AGBL1: variants seen among roughly 807,000 people sequenced by gnomAD.
AGBL1 encodes cytosolic carboxypeptidase 4.
AGBL1 carries 130 observed loss-of-function variants against 118.9 expected under a neutral mutation model. The observed-to-expected ratio is 1.09, with a 90% CI of 0.95 to 1.26. The LOEUF is 1.26. AGBL1 is among the 50% of genes most tolerant of loss of function. The pLI is 0.00. For missense variants in AGBL1, 1,584 were observed against 1,298.1 expected, an observed-to-expected ratio of 1.22 and a Z score of -3.38; for synonymous variants, 555 against 478.9, an observed-to-expected ratio of 1.16 and a Z score of -2.08.
intron 3 of AGBL1, among the ~76,000 whole-genome samples, chr15:86,151,239 G>A (rs1344537004): frequency 6.0e-5 from 9 of 150,546 alleles, no homozygotes; most frequent in East Asian, 2.0e-4. Flanking sequence ...AGCATGGCAC[G>A]TGTATACATA....
rs572147303 is a variant in AGBL1, at chr15:86,497,642, T to C, written c.2556-25168T>C. On this transcript the variant is annotated intron_variant, in intron 18 of 22. Coordinates refer to ENST00000614907, the MANE Select transcript of AGBL1 (RefSeq NM_001386094.1). ...GGAATAAATCTCCCATTTTCTGAAC[T>C]GGAGTGGGAGGGGATATTGCTTAGT... Among the ~76,000 whole-genome samples, 6 of 152,028 alleles carry C rather than the reference T, an allele frequency of 3.9e-5. No individual in the cohort carries two copies. The South Asian group carries it at 1.2e-3, about 32-fold the overall frequency.
At chr15:87,004,790 T>C (rs561626178) in intron 24 of AGBL1, among the ~76,000 whole-genome samples, 1 of 152,170 alleles carries the variant, frequency 6.6e-6, no homozygotes, top group Non-Finnish European at 1.5e-5. Flanking sequence ...GCATTGATGG[T>C]CTTTCTTTAC....
intron 22 of AGBL1, among the ~76,000 whole-genome samples, chr15:86,837,173 C>A (rs2079181009): frequency 6.6e-6 from 1 of 151,694 alleles, no homozygotes; most frequent in South Asian, 2.1e-4. Flanking sequence ...CATATACATC[C>A]CCAAGATTAC....
At chr15:86,744,757 C>T (rs1023882050) in intron 22 of AGBL1, among the ~76,000 whole-genome samples, 6 of 152,104 alleles carry the variant, frequency 3.9e-5, no homozygotes, top group Non-Finnish European at 7.4e-5. Flanking sequence ...ATGTCTCACT[C>T]GCTGTTATTT....
At chr15:86,745,746 C>G (rs146999559) in intron 22 of AGBL1, among the ~76,000 whole-genome samples, 18 of 152,184 alleles carry the variant, frequency 1.2e-4, no homozygotes, top group Non-Finnish European at 2.2e-4. Context: ...TAAGCCTCTC[C>G]TACTGGTAGC....
intron 22 of AGBL1, among the ~76,000 whole-genome samples, chr15:86,869,505 C>T (rs1229345591): frequency 6.6e-6 from 1 of 152,134 alleles, no homozygotes; most frequent in Non-Finnish European, 1.5e-5. Flanking sequence ...TAGTGTTCAA[C>T]TTCCTTAGAG....
intron 5 of AGBL1, among the ~76,000 whole-genome samples, chr15:86,202,655 T>C (rs1341120090): frequency 2.0e-5 from 3 of 152,190 alleles, no homozygotes; most frequent in African/African-American, 7.2e-5. Flanking sequence ...TGTTTTATAA[T>C]CCTTAAAATA....
intron 18 of AGBL1, among the ~76,000 whole-genome samples, chr15:86,521,377 T>C (rs114774761): frequency 6.6e-6 from 1 of 152,312 alleles, no homozygotes; most frequent in African/African-American, 2.4e-5. Context: ...ATATCAACTC[T>C]TGACAGAGTT....
chr15:86,325,839 G>A (rs1257054596), intron 17 of AGBL1, among the ~76,000 whole-genome samples: 3 of 152,116 alleles, frequency 2.0e-5, no homozygotes, highest in Non-Finnish European at 4.4e-5. Flanking sequence ...TGGGGGTGGT[G>A]GGAAGGGGCA....
intron 22 of AGBL1, among the ~76,000 whole-genome samples, chr15:86,813,316 C>G (rs1479894511): frequency 6.6e-6 from 1 of 152,060 alleles, no homozygotes; most frequent in Non-Finnish European, 1.5e-5. Context: ...GCATGTCTCT[C>G]CATTCTCGTT....
chr15:86,971,231 G>A (rs2081105244), intron 23 of AGBL1, among the ~76,000 whole-genome samples: 1 of 151,966 alleles, frequency 6.6e-6, no homozygotes, highest in Non-Finnish European at 1.5e-5. Flanking sequence ...GTCATACTTG[G>A]ATGTAGATGA....
Position 86,651,741 on chromosome 15 carries a change from T to G in AGBL1, c.2995-22532T>G, listed in dbSNP as rs375513012. 1.8e-4 allele frequency among the ~76,000 whole-genome samples: 28 copies of G among 152,280 alleles called. No homozygotes were observed. The East Asian group carries it at 2.1e-3, about 12-fold the overall frequency. ...AGTTCCAACTACTGATCTCTCTGAGTGTTGATATCTTACTAAACCTGCCAC... is the reference window on the plus strand; with the variant it reads ...AGTTCCAACTACTGATCTCTCTGAGGGTTGATATCTTACTAAACCTGCCAC... On this transcript the variant is annotated intron_variant, in intron 21 of 22. Transcript: ENST00000614907.
chr15:86,262,419 A>G (rs79986809), intron 9 of AGBL1, among the ~76,000 whole-genome samples: 2,874 of 152,248 alleles, frequency 0.019, 87 homozygotes, highest in African/African-American at 0.064. Flanking sequence ...AATGTCAAAG[A>G]TAGATAAAGA....
chr15:86,628,066 T>C (rs578226762), intron 21 of AGBL1, among the ~76,000 whole-genome samples: 1 of 152,296 alleles, frequency 6.6e-6, no homozygotes, highest in Non-Finnish European at 1.5e-5. Flanking sequence ...TCCTCTGTCT[T>C]TCCAAATAGT....
chr15:86,867,362 A>G (rs1206082309), intron 22 of AGBL1, among the ~76,000 whole-genome samples: 1 of 152,112 alleles, frequency 6.6e-6, no homozygotes, highest in African/African-American at 2.4e-5. Context: ...ACATTTTACA[A>G]ATCAACTCAC....
chr15:86,866,191 A>G (rs945353985), intron 22 of AGBL1, among the ~76,000 whole-genome samples: 3 of 151,692 alleles, frequency 2.0e-5, no homozygotes, highest in East Asian at 1.9e-4. Flanking sequence ...ATGACTCAAA[A>G]TAAACATTCC....
chr15:86,491,340 C>T lies in AGBL1; in HGVS notation c.2556-31470C>T, dbSNP rs74816491. 5.2e-3 allele frequency among the ~76,000 whole-genome samples: 790 copies of T among 152,150 alleles called. 7 individuals carry two copies. Among genetic ancestry groups the T allele is most frequent in the African/African-American group, 0.018 (745 of 41,542 alleles). On this transcript the variant is annotated intron_variant, in intron 18 of 22. Transcript: ENST00000614907. Reference sequence around the variant, plus strand: ...ATTTGGTCATAAAGAGAAAAGCATACGGTGGCAGCCTATGTGGCTGGAGGT... The same window carrying T: ...ATTTGGTCATAAAGAGAAAAGCATATGGTGGCAGCCTATGTGGCTGGAGGT...
rs151026640 is a variant in AGBL1, at chr15:86,799,354, T to C, written c.3159-107733T>C. Among the ~76,000 whole-genome samples the C allele has an allele frequency of 1.4e-3, 207 of 152,186 alleles. 7 individuals are homozygous for C. In the East Asian group the frequency reaches 0.034, roughly 25 times the overall value. ...CTCTAACATTAAATAAATCTATCCT[T>C]GATTTCTTGAAAAATGCATGAGCAC... On this transcript the variant is annotated intron_variant, in intron 22 of 22. Coordinates refer to ENST00000614907, the MANE Select transcript of AGBL1 (RefSeq NM_001386094.1).
intron 21 of AGBL1, among the ~76,000 whole-genome samples, chr15:86,591,901 G>T (rs1252637034): frequency 6.6e-6 from 1 of 152,148 alleles, no homozygotes; most frequent in East Asian, 1.9e-4. Flanking sequence ...AAGCTACCTA[G>T]GGGCTGCCAG....
Sources: allele counts gnomAD v4.1 joint callset (sites outside exome capture counted in the v4.1 genomes callset), GRCh38; gene constraint gnomAD v4.1.1; transcripts MANE v1.5; gene names NCBI Gene and HGNC (gene_info 2026-07-23, HGNC 2026-07-21).